CX3CR1: variants seen among roughly 807,000 people sequenced by gnomAD.
The protein encoded by CX3CR1 is C-X3-C motif chemokine receptor 1.
For missense variants in CX3CR1, 363 were observed against 432.4 expected, an observed-to-expected ratio of 0.84 and a Z score of 1.42; for synonymous variants, 168 against 178.5, an observed-to-expected ratio of 0.94 and a Z score of 0.47.
upstream of CX3CR1, chr3:39,281,766 C>T: frequency 8.6e-7 from 1 of 1,163,282 alleles, no homozygotes; most frequent in African/African-American, 1.5e-5. Context: ...CTCACCACTT[C>T]CACTTCCCCC....
intron 1 of CX3CR1, 42 bp from the exon 2 acceptor site, chr3:39,266,560 A>AG: frequency 6.2e-7 from 1 of 1,604,492 alleles, no homozygotes; most frequent in South Asian, 1.1e-5. Flanking sequence ...TAGTTATCAG[A>AG]GAAACAAAGT....
At chr3:39,275,140 G>A (rs1224988426) in intron 1 of CX3CR1, among the ~76,000 whole-genome samples, 1 of 152,152 alleles carries the variant, frequency 6.6e-6, no homozygotes, top group Admixed American at 6.5e-5. Context: ...GGGAATACAG[G>A]TGTGAGCCAC....
At chr3:39,277,747 G>A (rs535268524) in intron 1 of CX3CR1, among the ~76,000 whole-genome samples, 11 of 152,278 alleles carry the variant, frequency 7.2e-5, no homozygotes, top group Middle Eastern at 3.4e-3. Flanking sequence ...GGGGATAGAC[G>A]ATCGTCCTGA....
Position 39,266,249 on chromosome 3 carries a change from C to T in CX3CR1, c.261G>A (p.Trp87Ter). 3 of 1,614,144 alleles carry T rather than the reference C, an allele frequency of 1.9e-6. No individual in the cohort carries two copies. Among genetic ancestry groups the T allele is most frequent in the Non-Finnish European group, 1.7e-6 (2 of 1,180,030 alleles). The change falls in exon 2 of 2, where the codon TGG (tryptophan) becomes TGA (stop). Residue 87 changes from tryptophan (W) to a stop codon, truncating the protein, a stop_gained. Coordinates refer to ENST00000399220, the MANE Select transcript of CX3CR1 (RefSeq NM_001337.4). LOFTEE classifies it low-confidence loss of function (END_TRUNC). Reference protein sequence around the residue: ...DLLFVATLPFWTHYLINEKGL... With the variant: ...DLLFVATLPF ...CCTTTTCATTTATCAAATAGTGAGT[C>T]CAGAAGGGCAAAGTGGCTACAAACA...
rs2040671629 is a variant in CX3CR1, at chr3:39,264,796, C to T, written c.*646G>A. ...TTGTGTAATCAGAATAGTACCCACC[C>T]ATCCAACTTCTTGGAAATATGTATT... On this transcript the variant is annotated 3_prime_UTR_variant, in exon 2 of 2. Coordinates refer to ENST00000399220, the MANE Select transcript of CX3CR1 (RefSeq NM_001337.4). 1 of 152,296 alleles carries T rather than the reference C, an allele frequency of 6.6e-6. No homozygotes were observed. Among genetic ancestry groups the T allele is most frequent in the African/African-American group, 2.4e-5 (1 of 41,426 alleles). The allele number at this position is 152,296 out of a possible 1,614,324, so 9.4% of individuals were successfully genotyped here. A position where few individuals can be genotyped will look rare whatever the true frequency, so the allele number is the denominator to read the frequency against.
chr3:39,283,820 T>A (rs374404587), upstream of CX3CR1, among the ~76,000 whole-genome samples: 1 of 69,238 alleles, frequency 1.4e-5, no homozygotes, highest in South Asian at 3.6e-4. Flanking sequence ...TATATATATA[T>A]ATATATATAT....
the CX3CR1 span, among the ~76,000 whole-genome samples, chr3:39,289,185 C>T: frequency 2.6e-5 from 4 of 151,942 alleles, no homozygotes; most frequent in South Asian, 8.3e-4. Context: ...ACTTATATGG[C>T]AAAGTCGGCA....
rs752215576 is a variant in CX3CR1, at chr3:39,266,002, G to C, written c.508C>G (p.Gln170Glu). ...TCACCAAGGCATTCATTTTCTTTCT[G>C]CTTTGTGAACATGAACTGGGGTGCT... Reference protein sequence around the residue: ...VAAPQFMFTKQKENECLGDYP... With the variant: ...VAAPQFMFTKEKENECLGDYP... Residue 170 changes from glutamine to glutamate, a missense_variant, in exon 2 of 2, where the codon CAG becomes GAG. Physicochemically the swap from Gln to Glu is conservative, Grantham distance 29. Coordinates refer to ENST00000399220, the MANE Select transcript of CX3CR1 (RefSeq NM_001337.4). 1 of 1,614,182 alleles carries C rather than the reference G, an allele frequency of 6.2e-7. No homozygotes were observed. Among genetic ancestry groups the C allele is most frequent in the Non-Finnish European group, 8.5e-7 (1 of 1,180,044 alleles).
intron 1 of CX3CR1, among the ~76,000 whole-genome samples, chr3:39,268,401 C>T (rs1254637541): frequency 6.6e-6 from 1 of 152,178 alleles, no homozygotes; most frequent in Non-Finnish European, 1.5e-5. Flanking sequence ...ACATCCATGT[C>T]AGTTTTATAT....
the CX3CR1 span, among the ~76,000 whole-genome samples, chr3:39,291,584 GTC>G: frequency 6.6e-6 from 1 of 152,132 alleles, no homozygotes; most frequent in East Asian, 1.9e-4. Context: ...GGCAAACTAA[GTC>G]TCTAAATTTA....
At chr3:39,272,815 T>A (rs535644617) in intron 1 of CX3CR1, among the ~76,000 whole-genome samples, 1 of 152,218 alleles carries the variant, frequency 6.6e-6, no homozygotes, top group Admixed American at 6.5e-5. Context: ...GCCATTGTGC[T>A]GTTGACATTG....
chr3:39,274,481 CAAAAAAA>C (rs10663570), intron 1 of CX3CR1, among the ~76,000 whole-genome samples: 2 of 88,264 alleles, frequency 2.3e-5, no homozygotes, highest in East Asian at 3.0e-4. Flanking sequence ...CAACCACCAC[CAAAAAAA>C]AAAAAAAAAA....
chr3:39,280,875 C>A (rs55719139), upstream of CX3CR1, among the ~76,000 whole-genome samples: 1,385 of 152,370 alleles, frequency 9.1e-3, 20 homozygotes, highest in African/African-American at 0.03. Context: ...CCGATCACTT[C>A]ATTACCTGCC....
At chr3:39,282,557 G>A (rs972278476), upstream of CX3CR1, among the ~76,000 whole-genome samples, 30 of 152,228 alleles carry the variant, frequency 2.0e-4, no homozygotes, top group African/African-American at 7.0e-4. Context: ...CAGAGAGGCT[G>A]TGAGGATGGT....
At chr3:39,277,094 G>A (rs1266115301) in intron 1 of CX3CR1, among the ~76,000 whole-genome samples, 1 of 152,138 alleles carries the variant, frequency 6.6e-6, no homozygotes, top group Admixed American at 6.5e-5. Flanking sequence ...TTCTCCTTAA[G>A]CACACTTTAA....
intron 1 of CX3CR1, 29 bp from the exon 2 acceptor site, chr3:39,266,547 T>C (rs763128864): frequency 6.2e-7 from 1 of 1,608,546 alleles, no homozygotes; most frequent in Non-Finnish European, 8.5e-7. Context: ...CAAGTAACTG[T>C]GTTAGTTATC....
intron 1 of CX3CR1, among the ~76,000 whole-genome samples, chr3:39,277,127 G>A (rs759365225): frequency 6.6e-6 from 1 of 152,200 alleles, no homozygotes; most frequent in Non-Finnish European, 1.5e-5. Flanking sequence ...GGTGGTCTAG[G>A]AAGATGTTTA....
chr3:39,271,040 G>T (rs766177908), intron 1 of CX3CR1, among the ~76,000 whole-genome samples: 2 of 152,124 alleles, frequency 1.3e-5, no homozygotes, highest in Non-Finnish European at 2.9e-5. Context: ...AGATGTGTTC[G>T]GCCTCAGCAC....
At chr3:39,273,748 C>T (rs1172768832) in intron 1 of CX3CR1, among the ~76,000 whole-genome samples, 1 of 152,192 alleles carries the variant, frequency 6.6e-6, no homozygotes, top group African/African-American at 2.4e-5. Context: ...TAGCAATCCT[C>T]CCACCTCAGT....
Sources: gnomAD v4.1 joint callset for allele counts (sites outside exome capture counted in the v4.1 genomes callset) on GRCh38, gnomAD v4.1.1 for gene constraint, MANE v1.5 for transcripts, NCBI Gene and HGNC (gene_info 2026-07-23, HGNC 2026-07-21) for gene names.